Variants in PEPD observed in about 807,000 individuals in gnomAD.
The protein encoded by PEPD is peptidase D.
Under a neutral mutation model 60.7 loss-of-function variants are expected in PEPD, and 53 were observed. The observed-to-expected ratio is 0.87, with a 90% CI of 0.70 to 1.10. The LOEUF is 1.10. PEPD is among the 50% of genes least tolerant of loss of function. PEPD has a pLI of 0.00. For missense variants in PEPD, 711 were observed against 711.9 expected, an observed-to-expected ratio of 1.00 and a Z score of 0.01; for synonymous variants, 267 against 284.1, an observed-to-expected ratio of 0.94 and a Z score of 0.60.
intron 11 of PEPD, among the ~76,000 whole-genome samples, chr19:33,408,743 G>T (rs1003364429): frequency 1.3e-5 from 2 of 152,110 alleles, no homozygotes; most frequent in Non-Finnish European, 2.9e-5. Flanking sequence ...GGAATTCTAC[G>T]CTGGGCTCAT....
Position 33,416,487 on chromosome 19 carries a change from T to C in PEPD, c.672-2844A>G, listed in dbSNP as rs73586231. Among the ~76,000 whole-genome samples the C allele has an allele frequency of 3.5e-3, 538 of 152,250 alleles. 6 individuals are homozygous for C. The highest frequency in any genetic ancestry group is 0.012 in the African/African-American group (500 of 41,550). On this transcript the variant is annotated intron_variant, in intron 9 of 14. Transcript: ENST00000244137. ...TCCTTCCATAAATTTATGACTCACATCGTGCAGCCCCGGACCAGCTGGGTC... is the reference window on the plus strand; with the variant it reads ...TCCTTCCATAAATTTATGACTCACACCGTGCAGCCCCGGACCAGCTGGGTC...
intron 9 of PEPD, among the ~76,000 whole-genome samples, chr19:33,421,671 T>C (rs1969022118): frequency 6.6e-6 from 1 of 152,064 alleles, no homozygotes; most frequent in Non-Finnish European, 1.5e-5. Flanking sequence ...TTTTTATATG[T>C]TTTGTGGAGA....
chr19:33,401,062 G>C (rs1968477475), intron 12 of PEPD, among the ~76,000 whole-genome samples: 1 of 152,174 alleles, frequency 6.6e-6, no homozygotes, highest in African/African-American at 2.4e-5. Flanking sequence ...TACCAGTGGG[G>C]CCTGTGCAGG....
rs144798312 is a variant in PEPD at position 33,421,262 on chromosome 19, A to T, written c.672-7619T>A. On this transcript the variant is annotated intron_variant, in intron 9 of 14. Coordinates refer to ENST00000244137, the MANE Select transcript of PEPD (RefSeq NM_000285.4). The stretch of plus-strand genomic sequence containing the variant: ...GTTTTTGGGGGGTCAGCTTTAGTAG[A>T]CAAAGCCCAACAGGTTTTCTGAGTA... Among the ~76,000 whole-genome samples the T allele has an allele frequency of 3.5e-4, 53 of 152,296 alleles. No individual in the cohort carries two copies. In the East Asian group the frequency reaches 0.01, roughly 29 times the overall value.
chr19:33,450,125 T>TA (rs1297700324), intron 9 of PEPD, among the ~76,000 whole-genome samples: 10 of 152,354 alleles, frequency 6.6e-5, no homozygotes, highest in African/African-American at 1.2e-4. Context: ...CTTGACTTTT[T>TA]ATCAGTCTAG....
At chr19:33,402,922 AC>A (rs1476060015) in intron 11 of PEPD, among the ~76,000 whole-genome samples, 2 of 152,116 alleles carry the variant, frequency 1.3e-5, no homozygotes, top group Non-Finnish European at 2.9e-5. Flanking sequence ...TGTAAGAGGG[AC>A]CCTTGGCACA....
chr19:33,457,997 G>A (rs1039768658), intron 9 of PEPD, among the ~76,000 whole-genome samples: 7 of 152,224 alleles, frequency 4.6e-5, no homozygotes, highest in Admixed American at 1.3e-4. Context: ...GTTGGGGGGC[G>A]GGTATGTATG....
At chr19:33,483,638 T>C (rs1199277711) in intron 6 of PEPD, among the ~76,000 whole-genome samples, 3 of 152,048 alleles carry the variant, frequency 2.0e-5, no homozygotes, top group Non-Finnish European at 4.4e-5. Context: ...GGCGAGACTT[T>C]GTCTCTACAA....
chr19:33,486,409 G>A (rs1970397800), intron 6 of PEPD, among the ~76,000 whole-genome samples: 1 of 151,954 alleles, frequency 6.6e-6, no homozygotes, highest in Non-Finnish European at 1.5e-5. Flanking sequence ...ACTGCTGCCT[G>A]GGCCGGACCC....
At chr19:33,483,843 A>C (rs969911375) in intron 6 of PEPD, among the ~76,000 whole-genome samples, 1 of 152,056 alleles carries the variant, frequency 6.6e-6, no homozygotes, top group African/African-American at 2.4e-5. Context: ...TTTAAAAAAG[A>C]AAAAAAGACC....
intron 9 of PEPD, among the ~76,000 whole-genome samples, chr19:33,445,542 G>A (rs1157245753): frequency 6.6e-6 from 1 of 152,224 alleles, no homozygotes; most frequent in Non-Finnish European, 1.5e-5. Context: ...GGCCGCATGA[G>A]GACATGGCAA....
chr19:33,460,600 G>A (rs777387341), intron 9 of PEPD, among the ~76,000 whole-genome samples: 5 of 152,212 alleles, frequency 3.3e-5, no homozygotes, highest in Admixed American at 3.3e-4. Flanking sequence ...CCACCCCCCT[G>A]CTCTAAGCTC....
intron 10 of PEPD, among the ~76,000 whole-genome samples, chr19:33,413,311 G>A (rs1401887499): frequency 6.6e-6 from 1 of 152,234 alleles, no homozygotes; most frequent in Non-Finnish European, 1.5e-5. Flanking sequence ...CTGGGGACAG[G>A]AGGGAGGGGA....
chr19:33,387,672 G>A (rs1968108156), intron 14 of PEPD, 191 bp from the exon 15 acceptor site: 5 of 818,684 alleles, frequency 6.1e-6, no homozygotes. Context: ...TTGCCAGGTG[G>A]ATGGGAGCCC....
rs547296531 is a variant in PEPD at position 33,413,371 on chromosome 19, A to G, written c.740+204T>C. Among the ~76,000 whole-genome samples the G allele has an allele frequency of 3.9e-5, 6 of 152,316 alleles. No homozygotes were observed. The South Asian group carries it at 1.0e-3, about 26-fold the overall frequency. ...GCAGGCCATGCTCCCTCCTTCACCC[A>G]GTGCCAGGTCCTGCAGGCAGAGGCC... On this transcript the variant is annotated intron_variant, in intron 10 of 14. Transcript: ENST00000244137.
intron 9 of PEPD, among the ~76,000 whole-genome samples, chr19:33,429,265 C>T (rs1363623643): frequency 3.3e-5 from 5 of 152,150 alleles, no homozygotes; most frequent in Non-Finnish European, 7.3e-5. Flanking sequence ...GCTAAGCCAC[C>T]GAGATCTGGG....
At chr19:33,436,621 T>C (rs1016440058) in intron 9 of PEPD, among the ~76,000 whole-genome samples, 14 of 152,202 alleles carry the variant, frequency 9.2e-5, no homozygotes, top group Non-Finnish European at 1.9e-4. Context: ...TCCACCTTTA[T>C]GGGAAAATCA....
chr19:33,406,180 C>T (rs1968620012), intron 11 of PEPD, among the ~76,000 whole-genome samples: 1 of 152,184 alleles, frequency 6.6e-6, no homozygotes, highest in African/African-American at 2.4e-5. Flanking sequence ...GCAGCACATG[C>T]TGTATTTTGC....
chr19:33,436,902 A>T (rs1426363913), intron 9 of PEPD, among the ~76,000 whole-genome samples: 4 of 152,194 alleles, frequency 2.6e-5, no homozygotes, highest in Admixed American at 6.5e-5. Context: ...CCTAGTCCAC[A>T]GGGAGGAGGG....
Sources: allele counts gnomAD v4.1 joint callset (sites outside exome capture counted in the v4.1 genomes callset), GRCh38; gene constraint gnomAD v4.1.1; transcripts MANE v1.5; gene names NCBI Gene and HGNC (gene_info 2026-07-23, HGNC 2026-07-21).